The following DCTN5 variants were observed in gnomAD, a reference collection of about 807,000 sequenced individuals.
The protein encoded by DCTN5 is dynactin 4.
DCTN5 carries 14 observed loss-of-function variants against 23.5 expected under a neutral mutation model. The ratio of observed to expected loss-of-function variants is 0.60; its 90% CI spans 0.39 to 0.93. The LOEUF (loss-of-function observed/expected upper bound fraction) is 0.93, where lower values mean the gene tolerates loss of function less well. DCTN5 is among the 40% of genes least tolerant of loss of function. The probability of loss-of-function intolerance (pLI) is 0.00; values close to 1 mark genes in which losing one functional copy is unlikely to be tolerated. For synonymous variants in DCTN5, 67 were observed against 79.6 expected (o/e 0.84, Z 0.84); for missense variants, 156 against 225.9 (o/e 0.69, Z 1.98).
At chr16:23,643,970 A>G (rs1205193932) in intron 2 of DCTN5, among the ~76,000 whole-genome samples, 2 of 152,108 alleles carry the variant, frequency 1.3e-5, no homozygotes, top group Non-Finnish European at 2.9e-5. Flanking sequence ...TTTAAATATT[A>G]CATCTCTAAC....
chr16:23,654,169 AC>A (rs1274330733), intron 2 of DCTN5, among the ~76,000 whole-genome samples: 2 of 152,218 alleles, frequency 1.3e-5, no homozygotes, highest in African/African-American at 2.4e-5. Context: ...CAATCCCATT[AC>A]TGGATATATA....
Position 23,641,629 on chromosome 16 carries a change from CTG to C in DCTN5, c.48+40_48+41del, listed in dbSNP as rs1354927567. On this transcript the variant is annotated intron_variant, in intron 1 of 5. Coordinates refer to ENST00000300087, the MANE Select transcript of DCTN5 (RefSeq NM_032486.4). The stretch of plus-strand genomic sequence containing the variant: ...GATATGTATCCTCCTCTTTCCAACC[CTG>C]CGTCCCTTTGAGGCCTGGTCGGCGT... 3.7e-6 allele frequency: 6 copies of C among 1,611,946 alleles called. 1 individual carries two copies. The Admixed American group carries it at 6.7e-5, about 18-fold the overall frequency.
chr16:23,664,199 C>T (rs550437337), intron 4 of DCTN5, among the ~76,000 whole-genome samples: 8 of 152,250 alleles, frequency 5.3e-5, no homozygotes, highest in African/African-American at 1.9e-4. Context: ...CAAGGAAGAA[C>T]GAAGAACTAT....
Position 23,672,630 on chromosome 16 carries a change from T to G in DCTN5, c.*5486T>G, listed in dbSNP as rs940640034. On this transcript the variant is annotated 3_prime_UTR_variant, in exon 6 of 6. Transcript: ENST00000300087. ...GTAGTTGGGAGTCAGCAGAGTTGGG[T>G]TGGAATTCAAGCTTTGCCACCTGCT... 55 of 152,180 alleles carry G rather than the reference T, an allele frequency of 3.6e-4. No individual in the cohort carries two copies. Among genetic ancestry groups the G allele is most frequent in the African/African-American group, 1.3e-3 (53 of 41,410 alleles). The allele number at this position is 152,180 out of a possible 1,614,324, so 9.4% of individuals were successfully genotyped here. A position where few individuals can be genotyped will look rare whatever the true frequency, so the allele number is the denominator to read the frequency against.
chr16:23,651,026 C>T, intron 2 of DCTN5: 1 of 1,404,084 alleles, frequency 7.1e-7, no homozygotes, highest in Non-Finnish European at 9.3e-7. Context: ...AGATGTTCCA[C>T]TACTCAAATA....
intron 2 of DCTN5, 55 bp from the exon 3 acceptor site, chr16:23,658,452 T>A: frequency 1.7e-5 from 20 of 1,150,698 alleles, no homozygotes; most frequent in Non-Finnish European, 2.6e-5. Flanking sequence ...CTACTCTTTT[T>A]TTGTTACGTC....
At chr16:23,657,788 C>G (rs1217686229) in intron 2 of DCTN5, among the ~76,000 whole-genome samples, 2 of 152,144 alleles carry the variant, frequency 1.3e-5, no homozygotes, top group African/African-American at 4.8e-5. Context: ...ACTCTATATC[C>G]TCTAGGAAAA....
At chr16:23,658,977 C>T (rs143415961) in intron 3 of DCTN5, among the ~76,000 whole-genome samples, 9 of 152,314 alleles carry the variant, frequency 5.9e-5, no homozygotes, top group Non-Finnish European at 1.2e-4. Context: ...CTACCTATCC[C>T]TCTCTGTATC....
At chr16:23,652,818 A>G (rs1416529325) in intron 2 of DCTN5, among the ~76,000 whole-genome samples, 3 of 152,334 alleles carry the variant, frequency 2.0e-5, no homozygotes, top group Non-Finnish European at 2.9e-5. Flanking sequence ...GGCACATGAT[A>G]ATTTAATACA....
chr16:23,642,379 C>T (rs927500242), intron 1 of DCTN5, among the ~76,000 whole-genome samples: 1 of 152,182 alleles, frequency 6.6e-6, no homozygotes, highest in Non-Finnish European at 1.5e-5. Flanking sequence ...GTTTTAAGGC[C>T]GTAAAGCCCA....
chr16:23,651,701 A>G (rs1967608843), intron 2 of DCTN5, among the ~76,000 whole-genome samples: 2 of 152,208 alleles, frequency 1.3e-5, no homozygotes, highest in South Asian at 4.1e-4. Context: ...GAAATAGATA[A>G]TCTCTTTAAG....
intron 4 of DCTN5, among the ~76,000 whole-genome samples, chr16:23,665,347 A>C (rs2140987830): frequency 6.6e-6 from 1 of 152,298 alleles, no homozygotes; most frequent in South Asian, 2.1e-4. Context: ...CAAAGGGAAA[A>C]TTCAACAGAG....
intron 2 of DCTN5, among the ~76,000 whole-genome samples, chr16:23,653,900 A>G (rs1047052345): frequency 1.3e-5 from 2 of 152,244 alleles, no homozygotes; most frequent in African/African-American, 4.8e-5. Flanking sequence ...ATGAACAGAC[A>G]CTTTTCAAAA....
At chr16:23,650,813 G>A (rs1369248216) in intron 2 of DCTN5, 2 of 1,518,754 alleles carry the variant, frequency 1.3e-6, no homozygotes, top group African/African-American at 2.8e-5. Context: ...TGCCTGCAGG[G>A]ATAGAAAGAG....
At chr16:23,641,633 G>T (rs1292684583) in intron 1 of DCTN5, 43 bp downstream of exon 1, 2 of 1,609,480 alleles carry the variant, frequency 1.2e-6, no homozygotes. Flanking sequence ...CCAACCCTGC[G>T]TCCCTTTGAG....
At position 23,673,368 on chromosome 16, in the gene DCTN5, A is replaced by G. The variant is rs1448357907; in HGVS notation, c.*6224A>G. 1 of 152,162 alleles carries G rather than the reference A, an allele frequency of 6.6e-6. No individual in the cohort carries two copies. Among genetic ancestry groups the G allele is most frequent in the Non-Finnish European group, 1.5e-5 (1 of 68,034 alleles). 9.4% of individuals were successfully genotyped at this position (152,162 alleles called of 1,614,324 possible). On this transcript the variant is annotated 3_prime_UTR_variant, in exon 6 of 6. Transcript: ENST00000300087. ...GGGCTCAAGCGATCTTGGCCTCCCT[A>G]AGTGCTGGGATTACAGTCATGAGCC...
chr16:23,665,601 C>T, intron 4 of DCTN5, 25 bp from the exon 5 acceptor site: 1 of 1,599,488 alleles, frequency 6.3e-7, no homozygotes, highest in Non-Finnish European at 8.5e-7. Context: ...TGATCCATTT[C>T]CTATTAACAA....
intron 5 of DCTN5, 161 bp downstream of exon 5, chr16:23,665,889 T>C (rs1967897279): frequency 1.6e-6 from 1 of 621,772 alleles, no homozygotes; most frequent in Non-Finnish European, 2.8e-6. Flanking sequence ...ACCTAACATA[T>C]AACAAGCATC....
At chr16:23,645,135 A>ATTTT (rs1967424901) in intron 2 of DCTN5, among the ~76,000 whole-genome samples, 2 of 24,804 alleles carry the variant, frequency 8.1e-5, no homozygotes, top group Non-Finnish European at 1.3e-4. Flanking sequence ...ATATATATAT[A>ATTTT]TATTTTTTTT....
Sources: gnomAD v4.1 joint callset for allele counts (sites outside exome capture counted in the v4.1 genomes callset) on GRCh38, gnomAD v4.1.1 for gene constraint, MANE v1.5 for transcripts, NCBI Gene and HGNC (gene_info 2026-07-23, HGNC 2026-07-21) for gene names.